The following TRA2A variants were observed in gnomAD, a reference collection of about 807,000 sequenced individuals.
TRA2A encodes transformer 2 alpha homolog.
A neutral mutation model predicts 45.7 loss-of-function variants in TRA2A; 31 were observed. The ratio of observed to expected loss-of-function variants is 0.68; its 90% CI spans 0.51 to 0.92. TRA2A has a LOEUF of 0.92. Ranked by LOEUF, TRA2A falls within the 40% of genes least tolerant of loss-of-function variation. The pLI, the probability that TRA2A is intolerant of heterozygous loss-of-function variation, is 0.00. For synonymous variants in TRA2A, 132 were observed against 126.2 expected (o/e 1.05, Z -0.31); for missense variants, 304 against 367.5 (o/e 0.83, Z 1.41).
At chr7:23,517,849 C>G (rs895069180) in intron 2 of TRA2A, among the ~76,000 whole-genome samples, 1 of 151,430 alleles carries the variant, frequency 6.6e-6, no homozygotes, top group Non-Finnish European at 1.5e-5. Context: ...GAGGTGGAGG[C>G]TGCAGTGAGC....
chr7:23,525,579 A>C (rs576596215), intron 1 of TRA2A, among the ~76,000 whole-genome samples: 21 of 152,320 alleles, frequency 1.4e-4, no homozygotes. Flanking sequence ...CTCACAGCAC[A>C]ACCTGCTTTA....
chr7:23,527,953 G>A (rs1327491844), intron 1 of TRA2A, among the ~76,000 whole-genome samples: 1 of 151,938 alleles, frequency 6.6e-6, no homozygotes, highest in East Asian at 1.9e-4. Context: ...AAGGGGAGAG[G>A]AGAACAACTG....
intron 1 of TRA2A, among the ~76,000 whole-genome samples, chr7:23,529,198 A>T (rs62468821): frequency 0.08 from 12,235 of 152,252 alleles, 630 homozygotes; most frequent in Non-Finnish European, 0.12. Context: ...TTATCAAGAC[A>T]TGCAAAGCCA....
chr7:23,528,730 C>G (rs151067511), intron 1 of TRA2A, among the ~76,000 whole-genome samples: 5,944 of 150,706 alleles, frequency 0.039, 417 homozygotes, highest in African/African-American at 0.14. Context: ...TGCAGTGATG[C>G]GATCTCGGCT....
At position 23,508,232 on chromosome 7, in the gene TRA2A, A is replaced by G. The variant is rs74770857; in HGVS notation, c.526-697T>C. Among the ~76,000 whole-genome samples the G allele has an allele frequency of 5.0e-3, 751 of 148,832 alleles. 3 individuals carry two copies. The highest frequency in any genetic ancestry group is 0.018 in the African/African-American group (711 of 40,232). The stretch of plus-strand genomic sequence containing the variant: ...AAAACTACACAATTTTTATGTATCC[A>G]CAAATATTTCTCCGTAAGAGTGTCC... On this transcript the variant is annotated intron_variant, in intron 4 of 7. Coordinates refer to ENST00000297071, the MANE Select transcript of TRA2A (RefSeq NM_013293.5).
intron 3 of TRA2A, among the ~76,000 whole-genome samples, chr7:23,514,161 G>C (rs558601435): frequency 6.7e-6 from 1 of 148,644 alleles, no homozygotes; most frequent in African/African-American, 2.5e-5. Flanking sequence ...TCCACCTCCC[G>C]AGGTCCAGCC....
chr7:23,516,889 C>T (rs1266166317), intron 2 of TRA2A, among the ~76,000 whole-genome samples: 6 of 151,490 alleles, frequency 4.0e-5, no homozygotes, highest in African/African-American at 1.5e-4. Flanking sequence ...GCGAGCAGAT[C>T]GCGAGATCAA....
intron 1 of TRA2A, among the ~76,000 whole-genome samples, chr7:23,525,608 GTTTA>G (rs759142518): frequency 3.2e-4 from 48 of 152,170 alleles, no homozygotes; most frequent in Non-Finnish European, 5.4e-4. Flanking sequence ...TTGTTTTGAT[GTTTA>G]TTTGCTTGTT....
Position 23,516,435 on chromosome 7 carries a change from T to C in TRA2A, c.264A>G (p.Thr88=), listed in dbSNP as rs1448714864. The stretch of plus-strand genomic sequence containing the variant: ...GGCTCCTTCGCCGCCGGTATTCTGG[T>C]GTATATGATCTACTTCGAGATCGTC... ...HRRRSRSRSY[T]PEYRRRRSRS... is the part of the protein sequence containing the mutation. The change falls in exon 3 of 8, where the codon ACA becomes ACG. Residue 88 remains threonine (T), a synonymous_variant. Transcript: ENST00000297071. 6.2e-7 allele frequency: 1 copy of C among 1,614,242 alleles called. No individual in the cohort carries two copies. Among genetic ancestry groups the C allele is most frequent in the Non-Finnish European group, 8.5e-7 (1 of 1,180,042 alleles).
Position 23,531,829 on chromosome 7 carries a change from A to C in TRA2A, c.-5T>G. 1 of 1,613,800 alleles carries C rather than the reference A, an allele frequency of 6.2e-7. No individual in the cohort carries two copies. The highest frequency in any genetic ancestry group is 8.5e-7 in the Non-Finnish European group (1 of 1,180,026). The stretch of plus-strand genomic sequence containing the variant: ...GTTTTCCTCCACATCACTCATGTCG[A>C]CGAGGCGCTCCCCAGAACTAAATAA... On this transcript the variant is annotated 5_prime_UTR_variant, in exon 1 of 8. Transcript: ENST00000297071.
intron 4 of TRA2A, 58 bp from the exon 5 acceptor site, chr7:23,507,593 A>T: frequency 2.5e-6 from 3 of 1,213,708 alleles, no homozygotes; most frequent in Admixed American, 1.8e-5. Context: ...AGTAATCATT[A>T]CTTAAAATTA....
intron 2 of TRA2A, among the ~76,000 whole-genome samples, chr7:23,517,116 A>C (rs995000468): frequency 2.6e-5 from 4 of 151,800 alleles, no homozygotes; most frequent in Non-Finnish European, 4.4e-5. Context: ...ATAAATAAAT[A>C]AATCCTTTGA....
intron 3 of TRA2A, 85 bp downstream of exon 3, chr7:23,516,278 C>G: frequency 4.2e-6 from 6 of 1,421,312 alleles, no homozygotes; most frequent in Non-Finnish European, 5.8e-6. Flanking sequence ...TAAACAATGG[C>G]CAAGCTCCCC....
At chr7:23,515,439 G>A (rs376971067) in intron 3 of TRA2A, among the ~76,000 whole-genome samples, 2 of 151,668 alleles carry the variant, frequency 1.3e-5, no homozygotes, top group Non-Finnish European at 2.9e-5. Flanking sequence ...CCGTGGTCTC[G>A]ATCTCCTGAC....
chr7:23,511,809 T>C lies in TRA2A; in HGVS notation c.525+1085A>G, dbSNP rs150421473. The stretch of plus-strand genomic sequence containing the variant: ...CAAGTCATTGACATTGATTAGTTCA[T>C]TGTGTTAGGCAAGTTAAGAATAGCA... On this transcript the variant is annotated intron_variant, in intron 4 of 7. Transcript: ENST00000297071. Among the ~76,000 whole-genome samples, 47 of 152,326 alleles carry C rather than the reference T, an allele frequency of 3.1e-4. No homozygotes were observed. In the East Asian group the frequency reaches 4.6e-3, roughly 15 times the overall value.
chr7:23,512,837 A>T, intron 4 of TRA2A, 57 bp downstream of exon 4: 1 of 1,250,832 alleles, frequency 8.0e-7, no homozygotes, highest in Non-Finnish European at 1.1e-6. Flanking sequence ...TAAGTCTATT[A>T]ATCAACTTTT....
At chr7:23,518,524 T>C (rs1056425742) in intron 2 of TRA2A, among the ~76,000 whole-genome samples, 10 of 151,878 alleles carry the variant, frequency 6.6e-5, no homozygotes, top group African/African-American at 2.2e-4. Flanking sequence ...GTGTTTTTAG[T>C]AGAGACGGGG....
At position 23,516,512 on chromosome 7, in the gene TRA2A, G is replaced by A; in HGVS notation, c.187C>T (p.His63Tyr). Residue 63 changes from histidine (H) to tyrosine (Y), a missense_variant, in exon 3 of 8, where the codon CAT (histidine) becomes TAT (tyrosine). Physicochemically the swap from His to Tyr is moderately conservative, Grantham distance 83. Coordinates refer to ENST00000297071, the MANE Select transcript of TRA2A (RefSeq NM_013293.5). ...GATCGAGTGTAACGTCTATGAGAAT[G>A]TCTCCTTGACCTCGACCTTTGAGAG... ...RSKSRSRSRR[H>Y]SHRRYTRSRS... 6.2e-7 allele frequency: 1 copy of A among 1,614,096 alleles called. No individual in the cohort carries two copies. The highest frequency in any genetic ancestry group is 1.1e-5 in the South Asian group (1 of 91,076).
At chr7:23,513,374 T>C (rs990834562) in intron 3 of TRA2A, among the ~76,000 whole-genome samples, 2 of 152,218 alleles carry the variant, frequency 1.3e-5, no homozygotes, top group East Asian at 1.9e-4. Context: ...TCCCAGCATT[T>C]TGGGAGGCTG....
Sources: allele counts gnomAD v4.1 joint callset (sites outside exome capture counted in the v4.1 genomes callset), GRCh38; gene constraint gnomAD v4.1.1; transcripts MANE v1.5; gene names NCBI Gene and HGNC (gene_info 2026-07-23, HGNC 2026-07-21).